GRHPR: variants seen among roughly 807,000 people sequenced by gnomAD.
GRHPR encodes glyoxylate and hydroxypyruvate reductase, also known as glyoxylate reductase/hydroxypyruvate reductase.
In GRHPR, 35 loss-of-function variants were observed where a neutral mutation model predicts 36.8. That is an observed-to-expected ratio of 0.95 (90% confidence interval 0.73 to 1.26). The LOEUF (loss-of-function observed/expected upper bound fraction) is 1.26. Ranked by LOEUF, GRHPR falls within the 50% of genes most tolerant of loss-of-function variation. The pLI is 0.00. For missense variants in GRHPR, 380 were observed against 435.0 expected, an observed-to-expected ratio of 0.87 and a Z score of 1.12; for synonymous variants, 179 against 181.0, an observed-to-expected ratio of 0.99 and a Z score of 0.09.
intron 1 of GRHPR, among the ~76,000 whole-genome samples, chr9:37,424,186 C>T (rs1822969061): frequency 6.6e-6 from 1 of 152,224 alleles, no homozygotes; most frequent in Non-Finnish European, 1.5e-5. Flanking sequence ...GTAACAGTAG[C>T]TCACGCTGTA....
intron 2 of GRHPR, 22 bp from the exon 3 acceptor site, chr9:37,425,900 C>T: frequency 1.9e-6 from 3 of 1,572,572 alleles, no homozygotes; most frequent in Non-Finnish European, 2.6e-6. Context: ...AAGATACTAA[C>T]AATGCACTTT....
chr9:37,431,580 CTG>C, intron 7 of GRHPR: 1 of 263,556 alleles, frequency 3.8e-6, no homozygotes, highest in South Asian at 4.4e-5. Flanking sequence ...TGATAGCACA[CTG>C]TGGTGCTTCT....
In GRHPR at chr9:37,426,613, C is replaced by A; in HGVS notation, c.363C>A (p.Thr121=). 6.2e-7 allele frequency: 1 copy of A among 1,613,636 alleles called. No individual in the cohort carries two copies. Among genetic ancestry groups the A allele is most frequent in the Non-Finnish European group, 8.5e-7 (1 of 1,179,566 alleles). ...TAELAVSLLL[T]TCRRLPEAIE... ...AACTCGCAGTCTCCCTGCTACTTAC[C>A]ACCTGCCGCCGGTTGCCGGAGGCCA... is the stretch of plus-strand genomic sequence containing the variant. Residue 121 remains threonine, a synonymous_variant, in exon 4 of 9, where the codon ACC becomes ACA. Coordinates refer to ENST00000318158, the MANE Select transcript of GRHPR (RefSeq NM_012203.2).
chr9:37,439,338 A>G (rs920929843), downstream of GRHPR: 1 of 152,056 alleles, frequency 6.6e-6, no homozygotes, highest in African/African-American at 2.4e-5. Flanking sequence ...TAACTCTTAC[A>G]TAGCCTAGAA....
intron 8 of GRHPR, chr9:37,432,680 A>AAAC (rs766978398): frequency 3.8e-5 from 7 of 186,238 alleles, no homozygotes; most frequent in Non-Finnish European, 5.7e-5. Flanking sequence ...TCCATCTCCA[A>AAAC]AACAACAACA....
In GRHPR at chr9:37,426,135, A is replaced by G. The variant is rs562317482; in HGVS notation, c.287+141A>G. 3.3e-3 allele frequency: 2,291 copies of G among 699,692 alleles called. 20 individuals carry two copies. Among genetic ancestry groups the G allele is most frequent in the South Asian group, 9.1e-3 (575 of 62,896 alleles). 43.3% of individuals were successfully genotyped at this position (699,692 alleles called of 1,614,324 possible). ...GTGGCTGATGATAGAATCTGTCCACATGTGCACAGGTCAGTTACAATAAAC... is the reference window on the plus strand; with the variant it reads ...GTGGCTGATGATAGAATCTGTCCACGTGTGCACAGGTCAGTTACAATAAAC... On this transcript the variant is annotated intron_variant, in intron 3 of 8. Coordinates refer to ENST00000318158, the MANE Select transcript of GRHPR (RefSeq NM_012203.2).
chr9:37,439,031 A>T (rs1048091629), downstream of GRHPR: 2 of 152,246 alleles, frequency 1.3e-5, no homozygotes, highest in African/African-American at 4.8e-5. Flanking sequence ...AAAACTGAAT[A>T]ATTTATCTGA....
rs1395396755 is a variant in GRHPR at position 37,426,392 on chromosome 9, C to T, written c.288-146C>T. 4 of 758,238 alleles carry T rather than the reference C, an allele frequency of 5.3e-6. No individual in the cohort carries two copies. In the East Asian group the frequency reaches 7.3e-5, roughly 14 times the overall value. The allele number at this position is 758,238 out of a possible 1,614,324, so 47.0% of individuals were successfully genotyped here. On this transcript the variant is annotated intron_variant, in intron 3 of 8. Coordinates refer to ENST00000318158, the MANE Select transcript of GRHPR (RefSeq NM_012203.2). ...ATAATCTAAATAGGAATGAGGACTG[C>T]CCGTTTTTGAGTGCTCATTTATAGT...
chr9:37,423,277 C>T (rs956690673), intron 1 of GRHPR, among the ~76,000 whole-genome samples: 2 of 150,768 alleles, frequency 1.3e-5, no homozygotes, highest in Non-Finnish European at 2.9e-5. Context: ...AATCAGTTCT[C>T]CCACCTGAGC....
At chr9:37,432,256 C>A in intron 8 of GRHPR, 118 bp downstream of exon 8, 1 of 922,630 alleles carries the variant, frequency 1.1e-6, no homozygotes. Context: ...CCCAAAGGGA[C>A]ACACCAGGGA....
intron 7 of GRHPR, chr9:37,431,765 CAG>C (rs1261883900): frequency 4.5e-5 from 21 of 468,020 alleles, no homozygotes; most frequent in African/African-American, 4.1e-4. Flanking sequence ...ATTTGAGACA[CAG>C]ATAATTCGAG....
chr9:37,432,993 C>T (rs915847817), intron 8 of GRHPR, among the ~76,000 whole-genome samples: 2 of 152,236 alleles, frequency 1.3e-5, no homozygotes, highest in Non-Finnish European at 2.9e-5. Flanking sequence ...CCCTTCCTGT[C>T]TTTGGGGGAG....
intron 8 of GRHPR, chr9:37,432,495 T>C (rs557676712): frequency 8.4e-5 from 27 of 321,966 alleles, no homozygotes; most frequent in South Asian, 6.9e-4. Flanking sequence ...CTGGCCGATA[T>C]GGTGAAACCC....
chr9:37,423,563 C>T (rs1822942422), intron 1 of GRHPR, among the ~76,000 whole-genome samples: 1 of 151,952 alleles, frequency 6.6e-6, no homozygotes, highest in Admixed American at 6.6e-5. Flanking sequence ...CCTCAACCTC[C>T]TGGACTCAAG....
intron 8 of GRHPR, among the ~76,000 whole-genome samples, chr9:37,433,254 G>A (rs1181178129): frequency 8.1e-6 from 1 of 123,368 alleles, no homozygotes; most frequent in African/African-American, 3.0e-5. Context: ...TTTTTTTTGA[G>A]ACAGAGTCTC....
intron 4 of GRHPR, chr9:37,428,105 T>C (rs1823172188): frequency 2.8e-6 from 1 of 355,508 alleles, no homozygotes; most frequent in Non-Finnish European, 5.5e-6. Flanking sequence ...CTGTACTCTT[T>C]GTTGCTGCCC....
rs309461 is a variant in GRHPR, at chr9:37,429,404, C to T, written c.494-328C>T. The T allele has an allele frequency of 0.89, 352,838 of 396,968 alleles. 157,424 individuals carry two copies. Among genetic ancestry groups the T allele is most frequent in the Middle Eastern group, 0.93 (1,121 of 1,208 alleles). The allele number at this position is 396,968 out of a possible 1,614,324, so 24.6% of individuals were successfully genotyped here. A position where few individuals can be genotyped will look rare whatever the true frequency, so the allele number is the denominator to read the frequency against. On this transcript the variant is annotated intron_variant, in intron 5 of 8. Coordinates refer to ENST00000318158, the MANE Select transcript of GRHPR (RefSeq NM_012203.2). The stretch of plus-strand genomic sequence containing the variant: ...GGGGACTGCTTGACCAGGTGTCTCC[C>T]TTGTGAAAACCTCTCCAGTTCTCAG...
Position 37,430,521 on chromosome 9 carries a change from T to A in GRHPR, c.609T>A (p.Pro203=), listed in dbSNP as rs759131163. Residue 203 remains proline, a synonymous_variant, in exon 7 of 9, where the codon CCT becomes CCA. Transcript: ENST00000318158. ...AEFQAEFVST[P]ELAAQSDFIV... is the part of the protein sequence containing the mutation. ...CCTGCCCTCCCTCAGTGTCTACCCC[T>A]GAGCTGGCTGCCCAATCTGATTTCA... 4.3e-6 allele frequency: 7 copies of A among 1,613,936 alleles called. No individual in the cohort carries two copies. In the South Asian group the frequency reaches 6.6e-5, roughly 15 times the overall value.
chr9:37,432,487 G>C (rs1823419568), intron 8 of GRHPR: 2 of 329,374 alleles, frequency 6.1e-6, no homozygotes, highest in East Asian at 1.5e-4. Context: ...AGACCAACCT[G>C]GCCGATATGG....
Sources: gnomAD v4.1 joint callset for allele counts (sites outside exome capture counted in the v4.1 genomes callset) on GRCh38, gnomAD v4.1.1 for gene constraint, MANE v1.5 for transcripts, NCBI Gene and HGNC (gene_info 2026-07-23, HGNC 2026-07-21) for gene names.